Variants in TMEM132C observed in about 807,000 individuals in gnomAD.
TMEM132C encodes protein phosphatase 1, regulatory subunit 152.
In TMEM132C, 29 loss-of-function variants were observed where a neutral mutation model predicts 61.4. The ratio of observed to expected loss-of-function variants is 0.47; its 90% CI spans 0.35 to 0.64. The LOEUF (loss-of-function observed/expected upper bound fraction) is 0.64. Ranked by LOEUF, TMEM132C falls within the 30% of genes least tolerant of loss-of-function variation. TMEM132C has a pLI of 0.00. For synonymous variants in TMEM132C, 656 were observed against 633.1 expected (o/e 1.04, Z -0.54); for missense variants, 1,408 against 1,476.9 (o/e 0.95, Z 0.76).
intron 4 of TMEM132C, among the ~76,000 whole-genome samples, chr12:128,645,952 A>T: frequency 6.6e-6 from 1 of 151,388 alleles, no homozygotes; most frequent in East Asian, 2.0e-4. Flanking sequence ...GAGTGTGTTT[A>T]CTGGAGTCCA....
intron 1 of TMEM132C, among the ~76,000 whole-genome samples, chr12:128,300,985 G>T (rs1555251569): frequency 6.6e-6 from 1 of 152,178 alleles, no homozygotes; most frequent in Non-Finnish European, 1.5e-5. Context: ...AGGCTACAGT[G>T]AGCTAGGAAT....
At chr12:128,523,034 G>A (rs1441837048) in intron 2 of TMEM132C, among the ~76,000 whole-genome samples, 2 of 152,140 alleles carry the variant, frequency 1.3e-5, no homozygotes, top group African/African-American at 4.8e-5. Context: ...GAATGGATAA[G>A]CGGAATGGGG....
chr12:128,392,995 G>A lies in TMEM132C; in HGVS notation c.86-21737G>A, dbSNP rs144740480. Among the ~76,000 whole-genome samples, 110 of 152,316 alleles carry A rather than the reference G, an allele frequency of 7.2e-4. 1 individual carries two copies. Among genetic ancestry groups the A allele is most frequent in the African/African-American group, 2.4e-3 (98 of 41,558 alleles). On this transcript the variant is annotated intron_variant, in intron 1 of 8. Transcript: ENST00000435159. ...ATGTATCAAGGTGCACAAACAGTGC[G>A]AATCTGCTAGTTACAGAAACCTAAA...
intron 4 of TMEM132C, among the ~76,000 whole-genome samples, chr12:128,666,666 A>G (rs1438519115): frequency 1.3e-5 from 2 of 152,240 alleles, no homozygotes; most frequent in Non-Finnish European, 2.9e-5. Flanking sequence ...CCACCACTTC[A>G]TAGACACCAA....
intron 2 of TMEM132C, among the ~76,000 whole-genome samples, chr12:128,457,493 A>T (rs1870385248): frequency 6.6e-6 from 1 of 151,088 alleles, no homozygotes; most frequent in Non-Finnish European, 1.5e-5. Context: ...GGAGAATGGC[A>T]TGAACCTGGG....
chr12:128,422,687 C>A (rs1213769807), intron 2 of TMEM132C, among the ~76,000 whole-genome samples: 1 of 152,204 alleles, frequency 6.6e-6, no homozygotes, highest in Non-Finnish European at 1.5e-5. Flanking sequence ...GCTTCTCAAT[C>A]TCAATATCAT....
intron 4 of TMEM132C, among the ~76,000 whole-genome samples, chr12:128,646,804 T>G (rs190419730): frequency 2.0e-5 from 3 of 151,804 alleles, no homozygotes. Context: ...ATTGGATGAG[T>G]GTGTTTACTG....
intron 2 of TMEM132C, among the ~76,000 whole-genome samples, chr12:128,495,006 A>G (rs199834458): frequency 0.11 from 10,184 of 92,304 alleles, 836 homozygotes; most frequent in East Asian, 0.24. Flanking sequence ...CCCTCTACAC[A>G]CTGCTTTGAA....
intron 5 of TMEM132C, among the ~76,000 whole-genome samples, chr12:128,675,838 A>AAGATAGATAGATAGAT (rs369218169): frequency 7.5e-4 from 107 of 143,124 alleles, no homozygotes; most frequent in East Asian, 1.6e-3. Flanking sequence ...AGATAGATAG[A>AAGATAGATAGATAGAT]AGATAGATAG....
At chr12:128,660,359 T>C (rs1283996574) in intron 4 of TMEM132C, among the ~76,000 whole-genome samples, 1 of 152,152 alleles carries the variant, frequency 6.6e-6, no homozygotes, top group African/African-American at 2.4e-5. Flanking sequence ...TAGGAGAAGT[T>C]TCTTCCCAGA....
chr12:128,287,910 C>A (rs774137847), intron 1 of TMEM132C, among the ~76,000 whole-genome samples: 1 of 152,098 alleles, frequency 6.6e-6, no homozygotes, highest in African/African-American at 2.4e-5. Flanking sequence ...CAATTTGATC[C>A]GTGTTGATTT....
At chr12:128,667,077 A>G (rs551098599) in intron 4 of TMEM132C, among the ~76,000 whole-genome samples, 1 of 152,344 alleles carries the variant, frequency 6.6e-6, no homozygotes, top group African/African-American at 2.4e-5. Flanking sequence ...CTCAAAATAT[A>G]TATAGATACA....
chr12:128,533,029 G>T (rs1873375598), intron 2 of TMEM132C, among the ~76,000 whole-genome samples: 1 of 152,136 alleles, frequency 6.6e-6, no homozygotes, highest in Admixed American at 6.5e-5. Flanking sequence ...GGGTGGGTTT[G>T]GATATAAGTG....
Position 128,616,278 on chromosome 12 carries a change from C to T in TMEM132C, c.1248C>T (p.Ala416=), listed in dbSNP as rs900002247. The T allele has an allele frequency of 1.5e-5, 24 of 1,551,720 alleles. No homozygotes were observed. Among genetic ancestry groups the T allele is most frequent in the African/African-American group, 6.8e-5 (5 of 73,016 alleles). Residue 416 remains alanine (A), a synonymous_variant, in exon 4 of 9, where the codon GCC becomes GCT. Coordinates refer to ENST00000435159, the MANE Select transcript of TMEM132C (RefSeq NM_001136103.3). ...CACGGAAGGGGACCACAGACATCGC[C>T]GTGTCCGAGATCTTTGTCAGCCAGA... ...EYPRKGTTDI[A]VSEIFVSQKD...
intron 1 of TMEM132C, among the ~76,000 whole-genome samples, chr12:128,409,563 C>G (rs1868453629): frequency 6.6e-6 from 1 of 152,090 alleles, no homozygotes; most frequent in Non-Finnish European, 1.5e-5. Context: ...CAGAGACTCC[C>G]CAGTTTTAAA....
At chr12:128,662,122 A>G (rs1954397270) in intron 4 of TMEM132C, among the ~76,000 whole-genome samples, 1 of 152,212 alleles carries the variant, frequency 6.6e-6, no homozygotes, top group African/African-American at 2.4e-5. Context: ...AAAAAGTGCT[A>G]ACATAAATAC....
At chr12:128,501,429 A>G (rs1023469015) in intron 2 of TMEM132C, among the ~76,000 whole-genome samples, 21 of 152,178 alleles carry the variant, frequency 1.4e-4, no homozygotes, top group African/African-American at 4.1e-4. Flanking sequence ...CAATAATCCA[A>G]ATTCATCATA....
chr12:128,473,277 C>T (rs1871018171), intron 2 of TMEM132C, among the ~76,000 whole-genome samples: 3 of 152,094 alleles, frequency 2.0e-5, no homozygotes, highest in South Asian at 2.1e-4. Context: ...CCCCTATCTT[C>T]ATCTTCTCTC....
At chr12:128,561,131 A>AG (rs1283272774) in intron 3 of TMEM132C, among the ~76,000 whole-genome samples, 1 of 152,194 alleles carries the variant, frequency 6.6e-6, no homozygotes, top group Non-Finnish European at 1.5e-5. Flanking sequence ...TGATAAAGGC[A>AG]GGGGGAGGAT....
Sources: gnomAD v4.1 joint callset for allele counts (sites outside exome capture counted in the v4.1 genomes callset) on GRCh38, gnomAD v4.1.1 for gene constraint, MANE v1.5 for transcripts, NCBI Gene and HGNC (gene_info 2026-07-23, HGNC 2026-07-21) for gene names.